The following HADH variants were observed in gnomAD, a reference collection of about 807,000 sequenced individuals.
HADH encodes the protein hydroxyacyl-coenzyme A dehydrogenase, mitochondrial.
Under a neutral mutation model 32.2 loss-of-function variants are expected in HADH, and 24 were observed. The observed-to-expected ratio is 0.75, with a 90% confidence interval of 0.54 to 1.05. The LOEUF (loss-of-function observed/expected upper bound fraction) is 1.05. Ranked by LOEUF, HADH falls within the 50% of genes least tolerant of loss-of-function variation. The pLI, the probability that HADH is intolerant of heterozygous loss-of-function variation, is 0.00. For missense variants in HADH, 350 were observed against 397.1 expected (o/e 0.88, Z 1.01); for synonymous variants, 139 against 152.5 (o/e 0.91, Z 0.65).
Position 108,019,660 on chromosome 4 carries a change from T to G in HADH, c.540T>G (p.Leu180=), listed in dbSNP as rs766947866. The G allele has an allele frequency of 2.5e-6, 4 of 1,613,972 alleles. No individual in the cohort carries two copies. The highest frequency in any genetic ancestry group is 1.3e-5 in the African/African-American group (1 of 74,920). The change falls in exon 4 of 8, where the codon CTT becomes CTG. Residue 180 remains leucine (L), a synonymous_variant. Transcript: ENST00000309522. ...TCAACCCAGTGCCTGTCATGAAACT[T>G]GTGGAGGTCAGTGGGTGTCAGCTTG... The part of the protein sequence containing the change: ...HFFNPVPVMK[L]VEVIKTPMTS...
intron 6 of HADH, chr4:108,032,343 T>G (rs765309177): frequency 1.2e-6 from 2 of 1,601,800 alleles, no homozygotes; most frequent in Non-Finnish European, 8.5e-7. Context: ...AAACGTGTGG[T>G]GATTCTAACT....
At chr4:108,001,549 A>T (rs1344181626) in intron 1 of HADH, among the ~76,000 whole-genome samples, 1 of 152,256 alleles carries the variant, frequency 6.6e-6, no homozygotes, top group Non-Finnish European at 1.5e-5. Context: ...TAGACCATTG[A>T]TAAGTTACAG....
chr4:108,016,384 A>AAG (rs1236186691), intron 3 of HADH, among the ~76,000 whole-genome samples: 1 of 152,184 alleles, frequency 6.6e-6, no homozygotes, highest in Admixed American at 6.5e-5. Context: ...GCCCCTGACA[A>AAG]AGAGAAGAGA....
chr4:108,034,538 C>G lies in HADH; in HGVS notation c.*181C>G, dbSNP rs1027507880. ...ACCAGTTACAGCAGTAATAGATTCT[C>G]CATTAAGAAATAATTCCCTTTTTTA... On this transcript the variant is annotated 3_prime_UTR_variant, in exon 8 of 8. Transcript: ENST00000309522. The G allele has an allele frequency of 1.6e-6, 1 of 627,608 alleles. No individual in the cohort carries two copies. The highest frequency in any genetic ancestry group is 2.2e-5 in the Admixed American group (1 of 45,616). 38.9% of individuals were successfully genotyped at this position (627,608 alleles called of 1,614,324 possible).
At chr4:108,020,643 A>C (rs1735854757) in intron 4 of HADH, among the ~76,000 whole-genome samples, 1 of 152,144 alleles carries the variant, frequency 6.6e-6, no homozygotes, top group African/African-American at 2.4e-5. Context: ...GGCAATTTGC[A>C]CCTGAAATGG....
chr4:108,010,849 C>CTT (rs1199994737), intron 2 of HADH, among the ~76,000 whole-genome samples: 15 of 124,792 alleles, frequency 1.2e-4, no homozygotes, highest in East Asian at 6.8e-4. Flanking sequence ...CAACTTCATT[C>CTT]TTTTTTTTTT....
intron 1 of HADH, among the ~76,000 whole-genome samples, chr4:108,002,380 C>T (rs1357273326): frequency 6.6e-6 from 1 of 152,100 alleles, no homozygotes; most frequent in South Asian, 2.1e-4. Flanking sequence ...GGTTTCGTGT[C>T]CTTGTGAGAA....
At chr4:108,016,187 T>C (rs545401552) in intron 3 of HADH, among the ~76,000 whole-genome samples, 6 of 152,180 alleles carry the variant, frequency 3.9e-5, no homozygotes, top group Non-Finnish European at 8.8e-5. Context: ...ATCAGTGCTC[T>C]TCTAGTGACT....
intron 6 of HADH, chr4:108,030,555 A>G (rs1736227566): frequency 1.3e-5 from 2 of 152,358 alleles, no homozygotes; most frequent in South Asian, 2.1e-4. Context: ...TGAGCCAGAC[A>G]AAGAAGCAGA....
chr4:108,005,252 G>T, intron 1 of HADH: 1 of 180,874 alleles, frequency 5.5e-6, no homozygotes, highest in Non-Finnish European at 1.2e-5. Flanking sequence ...TATTCTGGAT[G>T]ATTTGAATGT....
In HADH at chr4:108,032,336, C is replaced by T. The variant is rs79116599; in HGVS notation, c.710-840C>T. 8.3e-4 allele frequency: 1,334 copies of T among 1,599,956 alleles called. 13 individuals are homozygous for T. In the East Asian group the frequency reaches 0.018, roughly 21 times the overall value. On this transcript the variant is annotated intron_variant, in intron 6 of 7. Coordinates refer to ENST00000309522, the MANE Select transcript of HADH (RefSeq NM_005327.7). The stretch of plus-strand genomic sequence containing the variant: ...GTAGTCTACTCAACAGACTTCCAAA[C>T]GTGTGGTGATTCTAACTCGGGTTTG...
chr4:108,015,099 C>G (rs1168937970), intron 3 of HADH, among the ~76,000 whole-genome samples: 1 of 152,112 alleles, frequency 6.6e-6, no homozygotes, highest in Non-Finnish European at 1.5e-5. Flanking sequence ...CATATGAGTG[C>G]AGGTATCTTT....
intron 2 of HADH, among the ~76,000 whole-genome samples, chr4:108,010,188 A>G (rs1735440715): frequency 6.6e-6 from 1 of 152,174 alleles, no homozygotes; most frequent in African/African-American, 2.4e-5. Context: ...AGAATTTGGA[A>G]TTGAAGAACA....
chr4:108,006,815 A>G (rs1735307116), intron 1 of HADH, among the ~76,000 whole-genome samples: 1 of 152,184 alleles, frequency 6.6e-6, no homozygotes, highest in Non-Finnish European at 1.5e-5. Flanking sequence ...TTTATCAGGT[A>G]ATTTTTGCTA....
rs56746496 is a variant in HADH at position 108,022,201 on chromosome 4, ATGTGTG to A, written c.547-1255_547-1250del. 1.9e-4 allele frequency among the ~76,000 whole-genome samples: 27 copies of A among 139,666 alleles called. No homozygotes were observed. The East Asian group carries it at 2.3e-3, about 12-fold the overall frequency. The allele number at this position is 139,666 out of a possible 152,430, so 91.6% of individuals were successfully genotyped here. On this transcript the variant is annotated intron_variant, in intron 4 of 7. Coordinates refer to ENST00000309522, the MANE Select transcript of HADH (RefSeq NM_005327.7). ...TGTGTGTGTGTGTATGTGTGTGTGT[ATGTGTG>A]TGTGTGTGTGTGTGTGTATAGTTGA...
chr4:108,018,206 C>A (rs1271130257), intron 3 of HADH, among the ~76,000 whole-genome samples: 1 of 152,172 alleles, frequency 6.6e-6, no homozygotes, highest in African/African-American at 2.4e-5. Context: ...ACAGCTGGCA[C>A]AGCCTTGGGC....
intron 1 of HADH, among the ~76,000 whole-genome samples, chr4:107,995,185 C>G (rs1734920381): frequency 6.6e-6 from 1 of 152,106 alleles, no homozygotes; most frequent in Non-Finnish European, 1.5e-5. Context: ...TAGTGGTATT[C>G]TAATCTCAAA....
intron 1 of HADH, among the ~76,000 whole-genome samples, chr4:108,001,873 T>C (rs1034080497): frequency 6.6e-6 from 1 of 152,210 alleles, no homozygotes; most frequent in Non-Finnish European, 1.5e-5. Context: ...TAACTGAAAC[T>C]ACAGAAAGTA....
chr4:108,004,976 C>T (rs913439543), intron 1 of HADH: 75 of 1,252,832 alleles, frequency 6.0e-5, no homozygotes, highest in African/African-American at 5.7e-4. Flanking sequence ...GAATGTTAAA[C>T]GAAGTGATAA....
Sources: gnomAD v4.1 joint callset for allele counts (sites outside exome capture counted in the v4.1 genomes callset) on GRCh38, gnomAD v4.1.1 for gene constraint, MANE v1.5 for transcripts, NCBI Gene and HGNC (gene_info 2026-07-23, HGNC 2026-07-21) for gene names.